TRIM2: variants seen among roughly 807,000 people sequenced by gnomAD.
The protein encoded by TRIM2 is tripartite motif-containing protein 2.
TRIM2 carries 20 observed loss-of-function variants against 75.2 expected under a neutral mutation model. That is an observed-to-expected ratio of 0.27 (90% CI 0.19 to 0.39). TRIM2 has a LOEUF of 0.39. Ranked by LOEUF, TRIM2 falls within the 10% of genes least tolerant of loss-of-function variation. The pLI, the probability that TRIM2 is intolerant of heterozygous loss-of-function variation, is 1.00. For synonymous variants in TRIM2, 373 were observed against 388.3 expected (o/e 0.96, Z 0.46); for missense variants, 660 against 990.8 (o/e 0.67, Z 4.48).
chr4:153,302,946 G>T (rs904231751), intron 6 of TRIM2, among the ~76,000 whole-genome samples: 24 of 152,214 alleles, frequency 1.6e-4, no homozygotes, highest in Non-Finnish European at 3.5e-4. Context: ...GATAAGTTGT[G>T]AACTACCTCA....
intron 1 of TRIM2, among the ~76,000 whole-genome samples, chr4:153,154,289 C>A (rs1017969557): frequency 6.6e-6 from 1 of 152,098 alleles, no homozygotes; most frequent in Non-Finnish European, 1.5e-5. Context: ...CTCTGAGGCT[C>A]AGGTTTCTTG....
At chr4:153,200,734 T>A (rs1306273559), upstream of TRIM2, among the ~76,000 whole-genome samples, 1,384 of 145,406 alleles carry the variant, frequency 9.5e-3, 11 homozygotes, top group Non-Finnish European at 0.011. Flanking sequence ...AATATATATA[T>A]ATATATATAT....
At chr4:153,247,705 T>C (rs1039866517) in intron 1 of TRIM2, among the ~76,000 whole-genome samples, 8 of 132,018 alleles carry the variant, frequency 6.1e-5, no homozygotes, top group African/African-American at 2.1e-4. Context: ...AAAAAAACTG[T>C]ATAGGCATAT....
chr4:153,324,520 T>A (rs1769727915), intron 10 of TRIM2: 2 of 219,314 alleles, frequency 9.1e-6, no homozygotes, highest in South Asian at 7.1e-5. Flanking sequence ...AAAAAAAAAA[T>A]TAGATGTTCG....
intron 1 of TRIM2, among the ~76,000 whole-genome samples, chr4:153,258,670 G>A (rs1036003774): frequency 6.6e-6 from 1 of 152,158 alleles, no homozygotes; most frequent in Non-Finnish European, 1.5e-5. Flanking sequence ...AAAATGAGGT[G>A]TTTAAAAGAT....
At chr4:153,152,548 G>A (rs1316863582), upstream of TRIM2, 1 of 151,906 alleles carries the variant, frequency 6.6e-6, no homozygotes, top group Non-Finnish European at 1.5e-5. Flanking sequence ...TCGCTATCAA[G>A]GAGCTGCCCG....
chr4:153,294,293 A>C lies in TRIM2; in HGVS notation c.606-12A>C. 2.5e-6 allele frequency: 4 copies of C among 1,612,948 alleles called. No individual in the cohort carries two copies. Among genetic ancestry groups the C allele is most frequent in the Non-Finnish European group, 3.4e-6 (4 of 1,179,238 alleles). ...TGAGGTTAAATAACGACCTTTAACA[A>C]CTGTCCACCAGGCTCCCAGAAATAG... On this transcript the variant is annotated splice_polypyrimidine_tract_variant and intron_variant, in intron 4 of 11. Transcript: ENST00000338700.
chr4:153,188,321 A>G (rs926725143), intron 1 of TRIM2, among the ~76,000 whole-genome samples: 5 of 152,140 alleles, frequency 3.3e-5, no homozygotes, highest in African/African-American at 1.2e-4. Context: ...TTAGTGGGGC[A>G]TGGTGGCGCA....
chr4:153,324,402 T>C lies in TRIM2; in HGVS notation c.2022+254T>C, dbSNP rs1367596666. On this transcript the variant is annotated intron_variant, in intron 10 of 11. Transcript: ENST00000338700. ...AATGAAGAGGACTTGAAAATTAAATTTTAAAAAGCAATTCGTTGAACTTAG... is the reference window on the plus strand; with the variant it reads ...AATGAAGAGGACTTGAAAATTAAATCTTAAAAAGCAATTCGTTGAACTTAG... 4 of 259,672 alleles carry C rather than the reference T, an allele frequency of 1.5e-5. No individual in the cohort carries two copies. The East Asian group carries it at 2.8e-4, about 18-fold the overall frequency. 16.1% of individuals were successfully genotyped at this position (259,672 alleles called of 1,614,324 possible).
chr4:153,189,662 C>T (rs896677014), intron 1 of TRIM2, among the ~76,000 whole-genome samples: 7 of 152,232 alleles, frequency 4.6e-5, no homozygotes, highest in African/African-American at 9.7e-5. Context: ...CTCCCTGTGA[C>T]GGCACTCACC....
chr4:153,282,263 C>T (rs773864196), intron 3 of TRIM2, among the ~76,000 whole-genome samples: 6 of 152,202 alleles, frequency 3.9e-5, no homozygotes, highest in Admixed American at 6.5e-5. Context: ...AACCGAAGCA[C>T]GAGCCTTTGA....
At chr4:153,264,339 G>C (rs1462178725) in intron 1 of TRIM2, among the ~76,000 whole-genome samples, 1 of 152,144 alleles carries the variant, frequency 6.6e-6, no homozygotes, top group African/African-American at 2.4e-5. Context: ...CAATGTGTCT[G>C]ATGTTAGTTC....
chr4:153,335,891 G>C lies in TRIM2; in HGVS notation c.*925G>C. 1.0e-6 allele frequency: 1 copy of C among 985,848 alleles called. No homozygotes were observed. Among genetic ancestry groups the C allele is most frequent in the Non-Finnish European group, 1.2e-6 (1 of 829,948 alleles). The allele number at this position is 985,848 out of a possible 1,614,324, so 61.1% of individuals were successfully genotyped here. A position where few individuals can be genotyped will look rare whatever the true frequency, so the allele number is the denominator to read the frequency against. ...TGTCAGCACATGTAGTAGGACACCA[G>C]TATCCTAGGACAGAGAGCCATAAGT... On this transcript the variant is annotated 3_prime_UTR_variant, in exon 12 of 12. Transcript: ENST00000338700.
At chr4:153,331,470 A>G (rs1381966678) in intron 11 of TRIM2, among the ~76,000 whole-genome samples, 1 of 152,204 alleles carries the variant, frequency 6.6e-6, no homozygotes, top group African/African-American at 2.4e-5. Context: ...GTATGCTGAA[A>G]ACTATAAAAT....
Position 153,294,345 on chromosome 4 carries a change from A to G in TRIM2, c.646A>G (p.Ile216Val). ...TTCTGCTCTTCAGTTCATCTCTGAAATCATTCATCAGTTAACCAACCAAAA... is the reference window on the plus strand; with the variant it reads ...TTCTGCTCTTCAGTTCATCTCTGAAGTCATTCATCAGTTAACCAACCAAAA... Reference protein sequence around the residue: ...IDSALQFISEIIHQLTNQKAS... With the variant: ...IDSALQFISEVIHQLTNQKAS... Residue 216 changes from isoleucine to valine, a missense_variant, in exon 5 of 12, where the codon ATC becomes GTC. Physicochemically the swap from Ile to Val is conservative, Grantham distance 29. Coordinates refer to ENST00000338700, the MANE Select transcript of TRIM2 (RefSeq NM_015271.5). 1 of 1,614,198 alleles carries G rather than the reference A, an allele frequency of 6.2e-7. No individual in the cohort carries two copies. Among genetic ancestry groups the G allele is most frequent in the Non-Finnish European group, 8.5e-7 (1 of 1,180,032 alleles).
intron 3 of TRIM2, among the ~76,000 whole-genome samples, chr4:153,284,762 G>A (rs903791102): frequency 6.6e-6 from 1 of 152,138 alleles, no homozygotes; most frequent in African/African-American, 2.4e-5. Context: ...GTCTATTCAA[G>A]TTCTTTGCCC....
rs1295906197 is a variant in TRIM2, at chr4:153,259,615, A to G, written c.31-10720A>G. The stretch of plus-strand genomic sequence containing the variant: ...AATATGACTTCAATTACTTTTTACT[A>G]TGGCAAAATGATGATTTGCACATAC... On this transcript the variant is annotated intron_variant, in intron 1 of 11. Coordinates refer to ENST00000338700, the MANE Select transcript of TRIM2 (RefSeq NM_015271.5). 2.0e-5 allele frequency among the ~76,000 whole-genome samples: 3 copies of G among 152,214 alleles called. No homozygotes were observed. The East Asian group carries it at 5.8e-4, about 29-fold the overall frequency.
intron 6 of TRIM2, among the ~76,000 whole-genome samples, chr4:153,298,037 A>G (rs1763102792): frequency 6.6e-6 from 1 of 152,078 alleles, no homozygotes; most frequent in Admixed American, 6.6e-5. Flanking sequence ...CCTGTGCTCA[A>G]ACTATATTGG....
At chr4:153,246,210 A>G (rs1749097629) in intron 1 of TRIM2, among the ~76,000 whole-genome samples, 1 of 152,202 alleles carries the variant, frequency 6.6e-6, no homozygotes, top group Non-Finnish European at 1.5e-5. Flanking sequence ...TTTAATCCTC[A>G]TAACAACCCT....
Sources: allele counts gnomAD v4.1 joint callset (sites outside exome capture counted in the v4.1 genomes callset), GRCh38; gene constraint gnomAD v4.1.1; transcripts MANE v1.5; gene names NCBI Gene and HGNC (gene_info 2026-07-23, HGNC 2026-07-21).